The following SGCD variants were observed in gnomAD, a reference collection of about 807,000 sequenced individuals.
The protein encoded by SGCD is delta-sarcoglycan.
A neutral mutation model predicts 36.6 loss-of-function variants in SGCD; 18 were observed. That is an observed-to-expected ratio of 0.49 (90% CI 0.34 to 0.73). The LOEUF is 0.73. SGCD is among the 30% of genes least tolerant of loss of function. SGCD has a pLI of 0.01. For missense variants in SGCD, 387 were observed against 346.7 expected (o/e 1.12, Z -0.92); for synonymous variants, 133 against 130.6 (o/e 1.02, Z -0.12).
chr5:156,364,900 CA>C lies in SGCD; in HGVS notation c.192+20225del, dbSNP rs35124705. Among the ~76,000 whole-genome samples the C allele has an allele frequency of 8.4e-3, 1,281 of 152,278 alleles. 9 individuals are homozygous for C. Among genetic ancestry groups the C allele is most frequent in the Non-Finnish European group, 0.011 (760 of 68,024 alleles). On this transcript the variant is annotated intron_variant, in intron 3 of 8. Coordinates refer to ENST00000337851, the MANE Select transcript of SGCD (RefSeq NM_000337.6). ...TTGAGTTATGGTCTGGGCTTTTTCA[CA>C]AGCTATGAGACCTTGGGCATACTAC...
At chr5:156,426,066 G>A (rs1007834288) in intron 3 of SGCD, among the ~76,000 whole-genome samples, 1 of 152,070 alleles carries the variant, frequency 6.6e-6, no homozygotes, top group African/African-American at 2.4e-5. Flanking sequence ...TTTCCTTTGG[G>A]TGGATACCGA....
At chr5:155,903,518 G>GT (rs777768996) in intron 1 of SGCD, among the ~76,000 whole-genome samples, 23 of 152,232 alleles carry the variant, frequency 1.5e-4, no homozygotes, top group Middle Eastern at 3.4e-3. Flanking sequence ...CAGTAGAAAC[G>GT]TAAGTTCTTC....
intron 3 of SGCD, among the ~76,000 whole-genome samples, chr5:156,198,818 T>C (rs1245718313): frequency 6.6e-6 from 1 of 152,094 alleles, no homozygotes; most frequent in African/African-American, 2.4e-5. Context: ...TAGATGTGTT[T>C]AGAGTCAGGA....
intron 3 of SGCD, among the ~76,000 whole-genome samples, chr5:156,147,472 C>T (rs1762731775): frequency 6.6e-6 from 1 of 152,222 alleles, no homozygotes; most frequent in African/African-American, 2.4e-5. Context: ...CCATGTCATA[C>T]ATCTATTACA....
At chr5:155,771,527 G>A in the SGCD span, among the ~76,000 whole-genome samples, 1 of 151,858 alleles carries the variant, frequency 6.6e-6, no homozygotes, top group Non-Finnish European at 1.5e-5. Context: ...AGGTTCAAGC[G>A]ATTCTCCTGC....
chr5:155,827,467 C>T, the SGCD span, among the ~76,000 whole-genome samples: 3 of 152,090 alleles, frequency 2.0e-5, no homozygotes, highest in Admixed American at 6.5e-5. Context: ...TATGACATAA[C>T]ATATACATTG....
At chr5:155,978,009 G>A (rs374441850) in intron 1 of SGCD, among the ~76,000 whole-genome samples, 22 of 152,082 alleles carry the variant, frequency 1.4e-4, no homozygotes, top group African/African-American at 4.1e-4. Flanking sequence ...CAGGGGTATC[G>A]CTTAAACCTA....
At chr5:155,769,756 G>A in the SGCD span, among the ~76,000 whole-genome samples, 2 of 151,938 alleles carry the variant, frequency 1.3e-5, no homozygotes, top group African/African-American at 4.8e-5. Context: ...TGTTGTTCTG[G>A]CCTATTGGCG....
chr5:156,620,553 C>T (rs1762204325), intron 6 of SGCD, among the ~76,000 whole-genome samples: 1 of 152,136 alleles, frequency 6.6e-6, no homozygotes, highest in African/African-American at 2.4e-5. Flanking sequence ...ATCAGGACTA[C>T]AGAGGTGTTC....
chr5:156,541,578 GTGTTA>G (rs1758348991), intron 4 of SGCD, among the ~76,000 whole-genome samples: 1 of 152,148 alleles, frequency 6.6e-6, no homozygotes, highest in Non-Finnish European at 1.5e-5. Flanking sequence ...AAACAAATGT[GTGTTA>G]GTCTTGCCTA....
At chr5:156,191,138 A>G (rs1465397769) in intron 3 of SGCD, among the ~76,000 whole-genome samples, 1 of 152,104 alleles carries the variant, frequency 6.6e-6, no homozygotes, top group Non-Finnish European at 1.5e-5. Context: ...TTTACAGAGT[A>G]CATGATATCC....
At chr5:156,384,834 G>A (rs889163042) in intron 3 of SGCD, among the ~76,000 whole-genome samples, 2 of 152,148 alleles carry the variant, frequency 1.3e-5, no homozygotes, top group Admixed American at 1.3e-4. Context: ...GTCACTCCAG[G>A]CCTTGGGTGT....
chr5:156,443,529 C>T (rs1217387896), intron 3 of SGCD, among the ~76,000 whole-genome samples: 1 of 152,078 alleles, frequency 6.6e-6, no homozygotes, highest in Non-Finnish European at 1.5e-5. Context: ...AAAAGCTGAA[C>T]TCATGATCAT....
At position 156,009,007 on chromosome 5, in the gene SGCD, TG is replaced by T. The variant is rs1357499668; in HGVS notation, c.-281-108866del. Among the ~76,000 whole-genome samples, 3 of 152,172 alleles carry T rather than the reference TG, an allele frequency of 2.0e-5. No individual in the cohort carries two copies. In the East Asian group the frequency reaches 5.8e-4, roughly 29 times the overall value. ...TCTGAAGTTAATAAGAAAGTTGGAA[TG>T]GGGGCAGGTGTGAGACCAGCCTGAA... On this transcript the variant is annotated intron_variant, in intron 1 of 9. Transcript: ENST00000517913.
At chr5:156,576,713 T>C (rs1403235067) in intron 4 of SGCD, among the ~76,000 whole-genome samples, 1 of 152,236 alleles carries the variant, frequency 6.6e-6, no homozygotes, top group Non-Finnish European at 1.5e-5. Context: ...GTTGGCTGCA[T>C]AAATGTCTTC....
At chr5:156,642,461 CTTTTT>C (rs58501471) in intron 6 of SGCD, among the ~76,000 whole-genome samples, 1 of 80,046 alleles carries the variant, frequency 1.2e-5, no homozygotes, top group South Asian at 4.8e-4. Context: ...CAGCATCAGT[CTTTTT>C]TTTTTTTTTT....
intron 3 of SGCD, among the ~76,000 whole-genome samples, chr5:156,407,482 T>C (rs1348664047): frequency 6.6e-6 from 1 of 152,198 alleles, no homozygotes; most frequent in East Asian, 1.9e-4. Flanking sequence ...TCTCTTCATC[T>C]GAACACATAT....
chr5:155,988,763 C>A (rs775077804), intron 1 of SGCD, among the ~76,000 whole-genome samples: 71 of 152,124 alleles, frequency 4.7e-4, no homozygotes, highest in Non-Finnish European at 4.9e-4. Flanking sequence ...TCAGTTTTCT[C>A]CTTTGTAAAA....
At chr5:156,021,740 G>A (rs1420543072) in intron 1 of SGCD, among the ~76,000 whole-genome samples, 2 of 152,108 alleles carry the variant, frequency 1.3e-5, no homozygotes, top group Non-Finnish European at 2.9e-5. Flanking sequence ...GGTCTGGTGT[G>A]AGCCGGAGCC....
Sources: allele counts gnomAD v4.1 joint callset (sites outside exome capture counted in the v4.1 genomes callset), GRCh38; gene constraint gnomAD v4.1.1; transcripts MANE v1.5; gene names NCBI Gene and HGNC (gene_info 2026-07-23, HGNC 2026-07-21).